SHROOM2: variants seen among roughly 807,000 people sequenced by gnomAD.
SHROOM2 encodes the protein protein Shroom2.
Under a neutral mutation model 75.9 loss-of-function variants are expected in SHROOM2, and 33 were observed. The ratio of observed to expected loss-of-function variants is 0.43; its 90% confidence interval spans 0.33 to 0.58. The LOEUF (loss-of-function observed/expected upper bound fraction) is 0.58, where lower values mean the gene tolerates loss of function less well. Ranked by LOEUF, SHROOM2 falls within the 20% of genes least tolerant of loss-of-function variation. The pLI, the probability that SHROOM2 is intolerant of heterozygous loss-of-function variation, is 0.04. For missense variants in SHROOM2, 1,434 were observed against 1,461.2 expected (o/e 0.98, Z 0.30); for synonymous variants, 655 against 663.6 (o/e 0.99, Z 0.20).
chrX:9,786,450 G>C lies in SHROOM2; in HGVS notation c.-96G>C. 1 of 684,671 alleles carries C rather than the reference G, an allele frequency of 1.5e-6. No homozygotes were observed. The highest frequency in any genetic ancestry group is 1.8e-6 in the Non-Finnish European group (1 of 554,776). 56.4% of individuals were successfully genotyped at this position (684,671 alleles called of 1,213,427 possible). On this transcript the variant is annotated 5_prime_UTR_variant, in exon 1 of 10. Transcript: ENST00000380913. ...CGGCACTTTCTTTCCAAGTTACGGC[G>C]CAAGTTCTGCGGCGCTCGGAGCCTC...
At chrX:9,799,693 C>CCT (rs897957861) in intron 1 of SHROOM2, among the ~76,000 whole-genome samples, 5 of 109,258 alleles carry the variant, frequency 4.6e-5, no homozygotes, top group African/African-American at 1.3e-4. Flanking sequence ...TTTTATCTGT[C>CCT]CTCTCTCTCT....
intron 1 of SHROOM2, among the ~76,000 whole-genome samples, chrX:9,799,143 C>CG (rs993842014): frequency 2.1e-5 from 2 of 94,660 alleles, no homozygotes; most frequent in Non-Finnish European, 4.0e-5. Flanking sequence ...TTTGCCTTTA[C>CG]GGAGAGTTTA....
intron 2 of SHROOM2, 30 bp from the exon 3 acceptor site, chrX:9,890,947 A>G: frequency 8.5e-7 from 1 of 1,175,070 alleles, no homozygotes; most frequent in Non-Finnish European, 1.1e-6. Flanking sequence ...GCAGTCCCTG[A>G]CCCCCCGCCT....
chrX:9,847,701 G>T (rs1480169169), intron 1 of SHROOM2, among the ~76,000 whole-genome samples: 1 of 111,774 alleles, frequency 8.9e-6, no homozygotes, highest in Non-Finnish European at 1.9e-5. Context: ...TTTACGTATT[G>T]CTGTTATCCT....
At chrX:9,921,899 T>G (rs747819960) in intron 5 of SHROOM2, among the ~76,000 whole-genome samples, 144 of 112,116 alleles carry the variant, frequency 1.3e-3, no homozygotes, top group African/African-American at 4.4e-3. Flanking sequence ...ATATAAATAG[T>G]TCACACAAGT....
At chrX:9,908,108 T>C (rs2084401525) in intron 5 of SHROOM2, among the ~76,000 whole-genome samples, 1 of 112,614 alleles carries the variant, frequency 8.9e-6, no homozygotes, top group African/African-American at 3.2e-5. Context: ...CATCTCCCCA[T>C]CCCTAGTGTG....
At chrX:9,900,079 C>G (rs2084357768) in intron 5 of SHROOM2, among the ~76,000 whole-genome samples, 1 of 111,237 alleles carries the variant, frequency 9.0e-6, no homozygotes, top group Non-Finnish European at 1.9e-5. Context: ...GGAAGCGGGG[C>G]CCCCTGCTTC....
At chrX:9,792,454 G>GGT (rs1555919963) in intron 1 of SHROOM2, among the ~76,000 whole-genome samples, 1 of 98,240 alleles carries the variant, frequency 1.0e-5, no homozygotes, top group African/African-American at 3.6e-5. Flanking sequence ...GTTTTTTTGT[G>GGT]TTGTTTTTTT....
chrX:9,847,848 T>C (rs2084014806), intron 1 of SHROOM2, among the ~76,000 whole-genome samples: 1 of 112,199 alleles, frequency 8.9e-6, no homozygotes, highest in South Asian at 3.7e-4. Flanking sequence ...CGTGATTTTT[T>C]CCCTCTGATT....
intron 5 of SHROOM2, among the ~76,000 whole-genome samples, chrX:9,915,632 G>A (rs910195537): frequency 8.9e-6 from 1 of 112,296 alleles, no homozygotes; most frequent in East Asian, 2.8e-4. Flanking sequence ...GGGTGGAAAA[G>A]CTAGAAATTC....
chrX:9,797,746 G>A (rs1288010248), intron 1 of SHROOM2, among the ~76,000 whole-genome samples: 1 of 112,185 alleles, frequency 8.9e-6, no homozygotes, highest in Non-Finnish European at 1.9e-5. Context: ...CATTGGGGCA[G>A]GAGGCCGGGA....
At chrX:9,838,296 G>A (rs1182268499) in intron 1 of SHROOM2, among the ~76,000 whole-genome samples, 5 of 110,060 alleles carry the variant, frequency 4.5e-5, no homozygotes, top group African/African-American at 9.9e-5. Flanking sequence ...TCCTGACCTC[G>A]TGATCCACCC....
At chrX:9,851,374 A>G (rs2084038457) in intron 1 of SHROOM2, among the ~76,000 whole-genome samples, 1 of 107,541 alleles carries the variant, frequency 9.3e-6, no homozygotes, top group Admixed American at 1.0e-4. Context: ...TGGGTCCTGT[A>G]CCCAGGTTCC....
At chrX:9,826,211 C>T (rs2083886830) in intron 1 of SHROOM2, among the ~76,000 whole-genome samples, 1 of 112,073 alleles carries the variant, frequency 8.9e-6, no homozygotes. Flanking sequence ...CTTTCTTCCC[C>T]TTGCCTTGTT....
In SHROOM2 at chrX:9,877,874, G is replaced by C. The variant is rs889812174; in HGVS notation, c.317+4071G>C. On this transcript the variant is annotated intron_variant, in intron 2 of 9. Transcript: ENST00000380913. ...AGGGTTGGGAGGGTGGGGAAGGACC[G>C]AGAAGGGGACGGCAGCTCCTAGCTT... 1.2e-4 allele frequency among the ~76,000 whole-genome samples: 13 copies of C among 111,095 alleles called. 1 individual carries two copies. The highest frequency in any genetic ancestry group is 6.7e-4 in the Admixed American group (7 of 10,438).
At chrX:9,800,936 A>ATCCTG (rs2083720765) in intron 1 of SHROOM2, among the ~76,000 whole-genome samples, 1 of 111,402 alleles carries the variant, frequency 9.0e-6, no homozygotes. Flanking sequence ...TGTTTTATCG[A>ATCCTG]TCCTGCCTAT....
chrX:9,916,588 ACTT>A (rs978195355), intron 5 of SHROOM2, among the ~76,000 whole-genome samples: 2 of 112,140 alleles, frequency 1.8e-5, no homozygotes, highest in African/African-American at 6.5e-5. Flanking sequence ...GGACAGTCCT[ACTT>A]CTCCCAAAAC....
intron 1 of SHROOM2, among the ~76,000 whole-genome samples, chrX:9,830,255 C>T (rs2083908565): frequency 8.9e-6 from 1 of 112,027 alleles, no homozygotes; most frequent in Non-Finnish European, 1.9e-5. Context: ...ATTCCCTGCT[C>T]CCCTCTGCCC....
chrX:9,945,482 T>C (rs2238887), intron 9 of SHROOM2, among the ~76,000 whole-genome samples: 44,141 of 110,324 alleles, frequency 0.4, 8,110 homozygotes, highest in African/African-American at 0.71. Context: ...GACTGCAGGG[T>C]TGCGGGATCT....
Sources: gnomAD v4.1 joint callset for allele counts (sites outside exome capture counted in the v4.1 genomes callset) on GRCh38, gnomAD v4.1.1 for gene constraint, MANE v1.5 for transcripts, NCBI Gene and HGNC (gene_info 2026-07-23, HGNC 2026-07-21) for gene names.